Variants in PCDH15 observed in about 807,000 individuals in gnomAD.
PCDH15 encodes protocadherin related 15.
A neutral mutation model predicts 178.5 loss-of-function variants in PCDH15; 129 were observed. The observed-to-expected ratio is 0.72, with a 90% CI of 0.63 to 0.84. The LOEUF (loss-of-function observed/expected upper bound fraction) is 0.84. Among genes scored for constraint, PCDH15 ranks in the 40% least tolerant of loss-of-function variants. The pLI, the probability that PCDH15 is intolerant of heterozygous loss-of-function variation, is 0.00. For missense variants in PCDH15, 2,230 were observed against 2,099.9 expected (o/e 1.06, Z -1.21); for synonymous variants, 800 against 732.0 (o/e 1.09, Z -1.50).
intron 3 of PCDH15, among the ~76,000 whole-genome samples, chr10:54,861,105 T>G (rs1030275306): frequency 3.9e-5 from 6 of 152,148 alleles, no homozygotes; most frequent in Non-Finnish European, 4.4e-5. Flanking sequence ...ACTGTCCTTA[T>G]ACTATCATTC....
At chr10:53,928,960 A>G (rs1262980974) in intron 25 of PCDH15, among the ~76,000 whole-genome samples, 2 of 152,096 alleles carry the variant, frequency 1.3e-5, no homozygotes, top group East Asian at 3.8e-4. Flanking sequence ...ATTCTTAGGT[A>G]TAAGAAGGAG....
intron 1 of PCDH15, among the ~76,000 whole-genome samples, chr10:54,740,130 T>A (rs1944597592): frequency 6.6e-6 from 1 of 151,858 alleles, no homozygotes; most frequent in East Asian, 1.9e-4. Context: ...TTGTAAACTA[T>A]CCATCTGACA....
chr10:55,012,791 C>T (rs867996611), intron 2 of PCDH15, among the ~76,000 whole-genome samples: 1 of 152,026 alleles, frequency 6.6e-6, no homozygotes, highest in Non-Finnish European at 1.5e-5. Flanking sequence ...TGCAAGGCCC[C>T]TTTATCTTTC....
intron 26 of PCDH15, among the ~76,000 whole-genome samples, chr10:53,878,391 T>C (rs1177487361): frequency 6.9e-6 from 1 of 144,984 alleles, no homozygotes; most frequent in South Asian, 2.1e-4. Flanking sequence ...ATAGTCTATA[T>C]ATATACTATA....
intron 19 of PCDH15, among the ~76,000 whole-genome samples, chr10:54,021,662 G>C (rs543934116): frequency 1.3e-4 from 20 of 151,752 alleles, no homozygotes; most frequent in African/African-American, 4.6e-4. Flanking sequence ...AGTTTCTCTA[G>C]CAAATATTCT....
intron 2 of PCDH15, among the ~76,000 whole-genome samples, chr10:54,580,037 T>C (rs990650667): frequency 2.6e-5 from 4 of 152,006 alleles, no homozygotes; most frequent in Admixed American, 6.6e-5. Context: ...CTCAAATTAA[T>C]GATCTAACAT....
intron 2 of PCDH15, among the ~76,000 whole-genome samples, chr10:54,616,015 C>CA (rs2093133695): frequency 6.6e-6 from 1 of 152,004 alleles, no homozygotes; most frequent in Non-Finnish European, 1.5e-5. Context: ...CTGTAGACAA[C>CA]AGCAGGCTCA....
At chr10:55,410,779 A>C (rs143889727) in intron 2 of PCDH15, among the ~76,000 whole-genome samples, 56 of 152,230 alleles carry the variant, frequency 3.7e-4, no homozygotes, top group Non-Finnish European at 4.9e-4. Flanking sequence ...CCCAAATGTC[A>C]GACAAGGAAG....
At chr10:55,324,522 G>C (rs1843981975), upstream of PCDH15, among the ~76,000 whole-genome samples, 1 of 151,958 alleles carries the variant, frequency 6.6e-6, no homozygotes, top group African/African-American at 2.4e-5. Context: ...GTAAAGGCAA[G>C]AACTAAGTAT....
chr10:54,534,861 T>C (rs1037529792), intron 2 of PCDH15, among the ~76,000 whole-genome samples: 4 of 152,232 alleles, frequency 2.6e-5, no homozygotes, highest in African/African-American at 7.2e-5. Flanking sequence ...AGACAGATAC[T>C]ACTTATTTTA....
At chr10:55,159,471 T>C (rs1839000863) in intron 2 of PCDH15, among the ~76,000 whole-genome samples, 1 of 149,328 alleles carries the variant, frequency 6.7e-6, no homozygotes, top group African/African-American at 2.5e-5. Flanking sequence ...TCTCTCTCTA[T>C]GTTATGTACA....
intron 3 of PCDH15, among the ~76,000 whole-genome samples, chr10:54,436,444 T>C (rs1470755867): frequency 4.6e-5 from 7 of 151,974 alleles, no homozygotes; most frequent in East Asian, 1.9e-4. Context: ...AAAAGGAACA[T>C]GTAGAGAAAC....
intron 26 of PCDH15, among the ~76,000 whole-genome samples, chr10:53,897,562 C>T (rs1025601451): frequency 6.6e-6 from 1 of 150,868 alleles, no homozygotes; most frequent in Non-Finnish European, 1.5e-5. Flanking sequence ...ATTTCAACCA[C>T]TTTTCAGTGT....
intron 2 of PCDH15, among the ~76,000 whole-genome samples, chr10:54,608,554 T>C (rs1339234911): frequency 6.6e-6 from 1 of 152,012 alleles, no homozygotes. Context: ...TAGGCTGCAG[T>C]GATCTGTGAT....
rs187498074 is a variant in PCDH15, at chr10:54,139,920, A to T, written c.1785-6913T>A. Among the ~76,000 whole-genome samples, 646 of 152,288 alleles carry T rather than the reference A, an allele frequency of 4.2e-3. 9 individuals carry two copies. Among genetic ancestry groups the T allele is most frequent in the African/African-American group, 0.015 (606 of 41,568 alleles). ...TCCAAAATTAAAATAACTGGTTATT[A>T]AAAAAAGAACAGAAAGAAAATCTAA... On this transcript the variant is annotated intron_variant, in intron 14 of 37. Transcript: ENST00000644397.
In PCDH15 at chr10:54,673,161, T is replaced by C. The variant is rs951036170; in HGVS notation, c.-28-8871A>G. Among the ~76,000 whole-genome samples the C allele has an allele frequency of 5.9e-5, 9 of 152,094 alleles. 1 individual carries two copies. The highest frequency in any genetic ancestry group is 1.3e-4 in the Non-Finnish European group (9 of 68,008). On this transcript the variant is annotated intron_variant, in intron 1 of 37. Transcript: ENST00000644397. ...TGGGTATACACGTGCCATGGTGGTT[T>C]GCTGCACCGACCAACCCGTCATCTA... is the stretch of plus-strand genomic sequence containing the variant.
At position 54,475,981 on chromosome 10, in the gene PCDH15, CATATGATAT is replaced by C. The variant is rs553581012; in HGVS notation, c.157+51822_157+51830del. 2.1e-5 allele frequency among the ~76,000 whole-genome samples: 3 copies of C among 140,706 alleles called. No individual in the cohort carries two copies. The East Asian group carries it at 7.3e-4, about 34-fold the overall frequency. The allele number at this position is 140,706 out of a possible 152,430, so 92.3% of individuals were successfully genotyped here. ...ATGCATATTGGATGTAATCACTATGCATATGATATATATACATATATGCATATATATATG... is the reference window on the plus strand; with the variant it reads ...ATGCATATTGGATGTAATCACTATGCATATACATATATGCATATATATATG... On this transcript the variant is annotated intron_variant, in intron 3 of 37. Coordinates refer to ENST00000644397, the MANE Select transcript of PCDH15 (RefSeq NM_001384140.1).
At chr10:54,895,418 T>A (rs1954529056) in intron 3 of PCDH15, among the ~76,000 whole-genome samples, 1 of 152,324 alleles carries the variant, frequency 6.6e-6, no homozygotes, top group African/African-American at 2.4e-5. Context: ...TTCATTGTAC[T>A]ATACTCAGAC....
At chr10:55,275,061 T>G (rs1031785870) in intron 1 of PCDH15, among the ~76,000 whole-genome samples, 4 of 152,078 alleles carry the variant, frequency 2.6e-5, no homozygotes, top group African/African-American at 9.7e-5. Flanking sequence ...TTCTGTGATG[T>G]TTTTATTGAA....
Sources: gnomAD v4.1 joint callset for allele counts (sites outside exome capture counted in the v4.1 genomes callset) on GRCh38, gnomAD v4.1.1 for gene constraint, MANE v1.5 for transcripts, NCBI Gene and HGNC (gene_info 2026-07-23, HGNC 2026-07-21) for gene names.